The following UPF2 variants were observed in gnomAD, a reference collection of about 807,000 sequenced individuals.
UPF2 encodes regulator of nonsense transcripts 2.
A neutral mutation model predicts 141.4 loss-of-function variants in UPF2; 17 were observed. The ratio of observed to expected loss-of-function variants is 0.12; its 90% CI spans 0.08 to 0.18. UPF2 has a LOEUF of 0.18. Among genes scored for constraint, UPF2 ranks in the 10% least tolerant of loss-of-function variants. UPF2 has a pLI of 1.00. For missense variants in UPF2, 1,152 were observed against 1,515.9 expected (o/e 0.76, Z 3.99); for synonymous variants, 540 against 498.0 (o/e 1.08, Z -1.12).
chr10:11,963,987 AC>A (rs748362163), intron 11 of UPF2, 21 bp downstream of exon 11: 1 of 1,560,556 alleles, frequency 6.4e-7, no homozygotes, highest in South Asian at 1.1e-5. Flanking sequence ...TCTAGCTCTT[AC>A]CAGCATCCTC....
At chr10:11,964,817 T>C (rs1446785310) in intron 10 of UPF2, among the ~76,000 whole-genome samples, 1 of 152,176 alleles carries the variant, frequency 6.6e-6, no homozygotes, top group African/African-American at 2.4e-5. Context: ...GGACCAGAAA[T>C]GTTTCGGATT....
intron 8 of UPF2, among the ~76,000 whole-genome samples, chr10:11,988,013 G>A (rs147680094): frequency 6.6e-6 from 1 of 152,256 alleles, no homozygotes; most frequent in East Asian, 1.9e-4. Flanking sequence ...TTATGTATCT[G>A]ATAAGAGATG....
At chr10:11,983,954 G>A (rs942195540) in intron 8 of UPF2, among the ~76,000 whole-genome samples, 1 of 151,000 alleles carries the variant, frequency 6.6e-6, no homozygotes, top group East Asian at 1.9e-4. Flanking sequence ...ACGGAGTTTC[G>A]TTCTCGTTGC....
chr10:12,007,786 G>A (rs944309262), intron 4 of UPF2, among the ~76,000 whole-genome samples: 23 of 151,000 alleles, frequency 1.5e-4, no homozygotes, highest in African/African-American at 4.9e-4. Flanking sequence ...AGCTGTGAAC[G>A]CGCCACTGCA....
At chr10:11,927,966 C>T (rs1316809330) in intron 21 of UPF2, among the ~76,000 whole-genome samples, 7 of 152,170 alleles carry the variant, frequency 4.6e-5, no homozygotes, top group South Asian at 2.1e-4. Flanking sequence ...TCTACACCTG[C>T]TCCCCTGCTC....
chr10:12,000,333 A>T (rs551927917), intron 6 of UPF2, among the ~76,000 whole-genome samples: 74 of 152,304 alleles, frequency 4.9e-4, no homozygotes, highest in Non-Finnish European at 7.5e-4. Flanking sequence ...TCTTCCATTA[A>T]CAGCACTCCC....
In UPF2 at chr10:11,923,510, G is replaced by A. The variant is rs531501924; in HGVS notation, c.3810-2203C>T. Among the ~76,000 whole-genome samples the A allele has an allele frequency of 9.9e-4, 150 of 152,064 alleles. 1 individual carries two copies. Among genetic ancestry groups the A allele is most frequent in the African/African-American group, 3.2e-3 (132 of 41,496 alleles). ...AGCCTGGCCAAGATGGTGAAACCCC[G>A]TCTCTACTAGAAATACAAAAATTAG... On this transcript the variant is annotated intron_variant, in intron 21 of 21. Transcript: ENST00000357604.
At chr10:11,971,611 T>C (rs562737990) in intron 9 of UPF2, among the ~76,000 whole-genome samples, 11 of 152,216 alleles carry the variant, frequency 7.2e-5, no homozygotes, top group Admixed American at 2.6e-4. Context: ...TCTGGATGAA[T>C]TCACAATGTA....
intron 16 of UPF2, among the ~76,000 whole-genome samples, chr10:11,943,999 CA>C (rs1266958617): frequency 7.7e-6 from 1 of 129,714 alleles, no homozygotes; most frequent in African/African-American, 3.0e-5. Context: ...GTAAAAAAAA[CA>C]AAAAACAAAC....
At chr10:11,960,928 T>C (rs1053074697) in intron 11 of UPF2, among the ~76,000 whole-genome samples, 2 of 151,424 alleles carry the variant, frequency 1.3e-5, no homozygotes, top group Admixed American at 6.6e-5. Context: ...CCTGTCTCTA[T>C]AAAATAAAAA....
chr10:12,007,827 T>C lies in UPF2; in HGVS notation c.1307-3100A>G, dbSNP rs554458099. 3.4e-4 allele frequency among the ~76,000 whole-genome samples: 37 copies of C among 107,482 alleles called. No individual in the cohort carries two copies. The East Asian group carries it at 5.7e-3, about 17-fold the overall frequency. 70.5% of individuals were successfully genotyped at this position (107,482 alleles called of 152,430 possible). ...GCCTGGGCAACACAGCAAGGCGCCGTCTCAAAGTAATAATAATAATAATAA... is the reference window on the plus strand; with the variant it reads ...GCCTGGGCAACACAGCAAGGCGCCGCCTCAAAGTAATAATAATAATAATAA... On this transcript the variant is annotated intron_variant, in intron 4 of 21. Coordinates refer to ENST00000357604, the MANE Select transcript of UPF2 (RefSeq NM_015542.4).
chr10:12,024,274 A>G (rs1834369561), intron 3 of UPF2, among the ~76,000 whole-genome samples: 1 of 151,920 alleles, frequency 6.6e-6, no homozygotes, highest in East Asian at 1.9e-4. Context: ...CCTGGACAAC[A>G]GTGTGAGACC....
At chr10:11,986,780 A>G (rs1833698656) in intron 8 of UPF2, among the ~76,000 whole-genome samples, 3 of 152,216 alleles carry the variant, frequency 2.0e-5, no homozygotes, top group Admixed American at 6.5e-5. Context: ...TTCCAACACA[A>G]CAGCGCCACC....
At chr10:12,025,091 T>TG (rs1834395452) in intron 3 of UPF2, among the ~76,000 whole-genome samples, 1 of 152,202 alleles carries the variant, frequency 6.6e-6, no homozygotes, top group Non-Finnish European at 1.5e-5. Flanking sequence ...TCATGTCTTT[T>TG]GCTCAGTCAC....
intron 8 of UPF2, among the ~76,000 whole-genome samples, chr10:11,986,811 A>G (rs534275873): frequency 6.6e-6 from 1 of 152,332 alleles, no homozygotes; most frequent in Non-Finnish European, 1.5e-5. Flanking sequence ...ACATACTAAC[A>G]GATTTCACGG....
In UPF2 at chr10:11,920,881, CAG is replaced by C. The variant is rs1313491642; in HGVS notation, c.*415_*416del. Reference sequence around the variant, plus strand: ...TTCTTCCAACGTGGGATGTTCAATTCAGAGACACTGAAACTCAAATCAAGTTT... The same window carrying C: ...TTCTTCCAACGTGGGATGTTCAATTCAGACACTGAAACTCAAATCAAGTTT... On this transcript the variant is annotated 3_prime_UTR_variant, in exon 22 of 22. Coordinates refer to ENST00000357604, the MANE Select transcript of UPF2 (RefSeq NM_015542.4). The C allele has an allele frequency of 2.5e-6, 1 of 403,734 alleles. No individual in the cohort carries two copies. The highest frequency in any genetic ancestry group is 2.0e-5 in the African/African-American group (1 of 48,820). 25.0% of individuals were successfully genotyped at this position (403,734 alleles called of 1,614,324 possible). A position where few individuals can be genotyped will look rare whatever the true frequency, so the allele number is the denominator to read the frequency against.
chr10:12,008,684 TA>T (rs912337428), intron 4 of UPF2, among the ~76,000 whole-genome samples: 2 of 148,430 alleles, frequency 1.3e-5, no homozygotes, highest in Non-Finnish European at 3.0e-5. Context: ...TAGTGGCATG[TA>T]AATTTTTTTT....
chr10:11,960,967 A>G (rs1028642997), intron 11 of UPF2, among the ~76,000 whole-genome samples: 1 of 151,320 alleles, frequency 6.6e-6, no homozygotes, highest in Non-Finnish European at 1.5e-5. Flanking sequence ...GTGTGCATCC[A>G]TAGTCCCGGC....
rs965783274 is a variant in UPF2 at position 11,938,865 on chromosome 10, T to G, written c.3379-2153A>C. 5.9e-4 allele frequency among the ~76,000 whole-genome samples: 52 copies of G among 87,410 alleles called. 1 individual carries two copies. Among genetic ancestry groups the G allele is most frequent in the South Asian group, 4.0e-3 (5 of 1,264 alleles). The allele number at this position is 87,410 out of a possible 152,430, so 57.3% of individuals were successfully genotyped here. On this transcript the variant is annotated intron_variant, in intron 18 of 21. Coordinates refer to ENST00000357604, the MANE Select transcript of UPF2 (RefSeq NM_015542.4). ...AAGTTTTTTTTTTGTTTTTTTTTTT[T>G]TTTTTTTTTTTTTTTTTGGAGACGG...
Sources: gnomAD v4.1 joint callset for allele counts (sites outside exome capture counted in the v4.1 genomes callset) on GRCh38, gnomAD v4.1.1 for gene constraint, MANE v1.5 for transcripts, NCBI Gene and HGNC (gene_info 2026-07-23, HGNC 2026-07-21) for gene names.